ZNF516: variants seen among roughly 807,000 people sequenced by gnomAD.
ZNF516 encodes zinc finger protein 516.
In ZNF516, 19 loss-of-function variants were observed where a neutral mutation model predicts 79.7. That is an observed-to-expected ratio of 0.24 (90% CI 0.17 to 0.35). The LOEUF (loss-of-function observed/expected upper bound fraction) is 0.35, where lower values mean the gene tolerates loss of function less well. Ranked by LOEUF, ZNF516 falls within the 10% of genes least tolerant of loss-of-function variation. ZNF516 has a pLI of 1.00. For synonymous variants in ZNF516, 877 were observed against 739.5 expected, an observed-to-expected ratio of 1.19 and a Z score of -3.02; for missense variants, 1,678 against 1,679.5, an observed-to-expected ratio of 1.00 and a Z score of 0.02.
chr18:76,412,162 G>A (rs1017727846), intron 3 of ZNF516, among the ~76,000 whole-genome samples: 15 of 152,176 alleles, frequency 9.9e-5, no homozygotes, highest in Non-Finnish European at 1.3e-4. Flanking sequence ...CAGAGGAAGC[G>A]GCACTAATGA....
At chr18:76,371,023 A>G (rs1290741777) in intron 5 of ZNF516, among the ~76,000 whole-genome samples, 1 of 152,084 alleles carries the variant, frequency 6.6e-6, no homozygotes, top group Non-Finnish European at 1.5e-5. Flanking sequence ...CTCTCTACAT[A>G]AGGGCTGAGG....
rs1568337324 is a variant in ZNF516 at position 76,492,988 on chromosome 18, T to G, written c.-272+2156A>C. ...GGCTCATGCACGCGCACGCGCGCGCTCACACACACACCCCAAATTACCTCC... is the reference window on the plus strand; with the variant it reads ...GGCTCATGCACGCGCACGCGCGCGCGCACACACACACCCCAAATTACCTCC... On this transcript the variant is annotated intron_variant, in intron 1 of 6. Transcript: ENST00000443185. 5.1e-6 allele frequency: 5 copies of G among 985,324 alleles called. No homozygotes were observed. In the African/African-American group the frequency reaches 8.7e-5, roughly 17 times the overall value. 61.0% of individuals were successfully genotyped at this position (985,324 alleles called of 1,614,324 possible).
At chr18:76,477,618 T>TA (rs1193227346) in intron 1 of ZNF516, among the ~76,000 whole-genome samples, 1 of 152,186 alleles carries the variant, frequency 6.6e-6, no homozygotes, top group Admixed American at 6.5e-5. Context: ...CTTGCAATTT[T>TA]ATACTTTAAA....
At chr18:76,447,620 C>G (rs1201456112) in intron 2 of ZNF516, among the ~76,000 whole-genome samples, 1 of 152,180 alleles carries the variant, frequency 6.6e-6, no homozygotes, top group African/African-American at 2.4e-5. Flanking sequence ...ATGCTCAGAG[C>G]CAAGGTGGAG....
At position 76,451,188 on chromosome 18, in the gene ZNF516, G is replaced by A. The variant is rs146383427; in HGVS notation, c.-157-7977C>T. The stretch of plus-strand genomic sequence containing the variant: ...GCTTTCCAAATGCCTATCTAGCTTG[G>A]CATTTTTTTCAGTTCTGGTTCATGA... On this transcript the variant is annotated intron_variant, in intron 2 of 6. Coordinates refer to ENST00000443185, the MANE Select transcript of ZNF516 (RefSeq NM_014643.4). This position sits in a 1 kb window ranked among gnomAD's most constrained non-coding sequence, Gnocchi z 6.0. Among the ~76,000 whole-genome samples, 1 of 152,252 alleles carries A rather than the reference G, an allele frequency of 6.6e-6. No homozygotes were observed. The highest frequency in any genetic ancestry group is 1.5e-5 in the Non-Finnish European group (1 of 68,022).
At chr18:76,489,828 C>A (rs1915058028) in intron 1 of ZNF516, among the ~76,000 whole-genome samples, 1 of 152,076 alleles carries the variant, frequency 6.6e-6, no homozygotes, top group South Asian at 2.1e-4. Flanking sequence ...TAAACAAAAG[C>A]TTTCAGAAAT....
At chr18:76,437,451 T>TTTC (rs1555710424) in intron 3 of ZNF516, among the ~76,000 whole-genome samples, 1 of 151,614 alleles carries the variant, frequency 6.6e-6, no homozygotes, top group East Asian at 1.9e-4. Flanking sequence ...ATATTTTTTT[T>TTTC]TTCTTTGAAG....
chr18:76,486,052 C>T (rs1462646399), intron 1 of ZNF516, among the ~76,000 whole-genome samples: 1 of 152,106 alleles, frequency 6.6e-6, no homozygotes, highest in Non-Finnish European at 1.5e-5. Context: ...GTCTTAACTA[C>T]TTATATTCAA....
At chr18:76,370,968 T>C (rs542306372) in intron 5 of ZNF516, among the ~76,000 whole-genome samples, 1 of 152,204 alleles carries the variant, frequency 6.6e-6, no homozygotes, top group Non-Finnish European at 1.5e-5. Flanking sequence ...GTCTCTCTAA[T>C]GCCCCTGCGC....
At chr18:76,430,981 T>G (rs1022822760) in intron 3 of ZNF516, among the ~76,000 whole-genome samples, 3 of 151,976 alleles carry the variant, frequency 2.0e-5, no homozygotes, top group Non-Finnish European at 4.4e-5. Flanking sequence ...GTAACTGGAG[T>G]CTTACTTTCT....
At chr18:76,450,186 G>C (rs1460676312) in intron 2 of ZNF516, among the ~76,000 whole-genome samples, 2 of 141,254 alleles carry the variant, frequency 1.4e-5, no homozygotes, top group East Asian at 2.2e-4. Flanking sequence ...GAAACTAAAG[G>C]GGGGGGGGTG....
Position 76,441,822 on chromosome 18 carries a change from G to A in ZNF516, c.1233C>T (p.Asp411=). ...GCCAGGCCTGGTAGCTGTTGACCGG[G>A]TCCAGCTCAGCCACCCGCCGTCCGG... ...TQAGRRVAEL[D]PVNSYQAWQL... Residue 411 remains aspartate, a synonymous_variant, in exon 3 of 7, where the codon GAC becomes GAT. Coordinates refer to ENST00000443185, the MANE Select transcript of ZNF516 (RefSeq NM_014643.4). 1 of 1,565,236 alleles carries A rather than the reference G, an allele frequency of 6.4e-7. No individual in the cohort carries two copies. Among genetic ancestry groups the A allele is most frequent in the Non-Finnish European group, 8.6e-7 (1 of 1,162,498 alleles).
chr18:76,425,885 A>AAGC (rs1353541672), intron 3 of ZNF516, among the ~76,000 whole-genome samples: 2 of 152,176 alleles, frequency 1.3e-5, no homozygotes, highest in Non-Finnish European at 2.9e-5. Flanking sequence ...AGGCCCAACC[A>AAGC]AGCTTCCTGC....
At chr18:76,463,860 T>G (rs1412841306) in intron 1 of ZNF516, among the ~76,000 whole-genome samples, 1 of 152,170 alleles carries the variant, frequency 6.6e-6, no homozygotes, top group African/African-American at 2.4e-5. Context: ...AATAAACTAT[T>G]CCCACTGCCT....
At position 76,459,602 on chromosome 18, in the gene ZNF516, C is replaced by T. The variant is rs1330175972; in HGVS notation, c.-158+3426G>A. On this transcript the variant is annotated intron_variant, in intron 2 of 6. Transcript: ENST00000443185. The surrounding 1 kb of genome is among the most constrained non-coding windows in gnomAD (Gnocchi z 5.0). ...ATGCCAACAGCAACACTTCTCAACA[C>T]CAAGCCTTTAAATGTCCAGCAGCTC... Among the ~76,000 whole-genome samples the T allele has an allele frequency of 6.6e-6, 1 of 152,194 alleles. No homozygotes were observed.
At chr18:76,368,229 A>G (rs574326115) in intron 6 of ZNF516, among the ~76,000 whole-genome samples, 5 of 152,266 alleles carry the variant, frequency 3.3e-5, no homozygotes, top group Admixed American at 3.3e-4. Flanking sequence ...TTAAACCTCT[A>G]CCTATTACTG....
chr18:76,363,832 T>G (rs1164011867), intron 6 of ZNF516, among the ~76,000 whole-genome samples: 1 of 152,206 alleles, frequency 6.6e-6, no homozygotes, highest in African/African-American at 2.4e-5. Context: ...CTGGGAGTTA[T>G]AGTTAGCTAT....
chr18:76,367,288 A>C (rs538533545), intron 6 of ZNF516, among the ~76,000 whole-genome samples: 4 of 151,974 alleles, frequency 2.6e-5, no homozygotes, highest in African/African-American at 4.8e-5. Context: ...AGGCCACCTT[A>C]TCTCTCGCTG....
intron 3 of ZNF516, among the ~76,000 whole-genome samples, chr18:76,428,347 C>T (rs772777914): frequency 6.7e-6 from 1 of 148,690 alleles, no homozygotes; most frequent in Non-Finnish European, 1.5e-5. Flanking sequence ...GAGCCGAGAT[C>T]GCACCACTGT....
Sources: allele counts gnomAD v4.1 joint callset (sites outside exome capture counted in the v4.1 genomes callset), GRCh38; gene constraint gnomAD v4.1.1; non-coding constraint Gnocchi (gnomAD v3.1); transcripts MANE v1.5; gene names NCBI Gene and HGNC (gene_info 2026-07-23, HGNC 2026-07-21).